OXCT1: variants seen among roughly 807,000 people sequenced by gnomAD.
OXCT1 encodes the protein succinyl-CoA:3-ketoacid coenzyme A transferase 1, mitochondrial.
In OXCT1, 27 loss-of-function variants were observed where a neutral mutation model predicts 69.6. The ratio of observed to expected loss-of-function variants is 0.39; its 90% CI spans 0.29 to 0.54. The LOEUF (loss-of-function observed/expected upper bound fraction) is 0.54. OXCT1 is among the 20% of genes least tolerant of loss of function. The pLI, the probability that OXCT1 is intolerant of heterozygous loss-of-function variation, is 0.72. For missense variants in OXCT1, 437 were observed against 650.2 expected (o/e 0.67, Z 3.57); for synonymous variants, 202 against 217.8 (o/e 0.93, Z 0.64).
At chr5:41,731,798 T>C in intron 16 of OXCT1, 28 bp from the exon 17 acceptor site, 2 of 1,597,650 alleles carry the variant, frequency 1.3e-6, no homozygotes, top group Non-Finnish European at 1.7e-6. Flanking sequence ...AAAAATCAAA[T>C]TATGAAAAAC....
intron 4 of OXCT1, among the ~76,000 whole-genome samples, chr5:41,851,651 T>C (rs1749179948): frequency 6.6e-6 from 1 of 151,950 alleles, no homozygotes; most frequent in Admixed American, 6.6e-5. Flanking sequence ...AGAGCCAGTG[T>C]TTACTAACGG....
intron 11 of OXCT1, among the ~76,000 whole-genome samples, 193 bp from the exon 12 acceptor site, chr5:41,794,942 T>C (rs773625245): frequency 4.6e-5 from 7 of 152,226 alleles, no homozygotes; most frequent in Non-Finnish European, 8.8e-5. Flanking sequence ...GACATTGCTC[T>C]TGCCTTTGCA....
intron 13 of OXCT1, among the ~76,000 whole-genome samples, chr5:41,775,682 C>T (rs968442973): frequency 6.6e-6 from 1 of 152,126 alleles, no homozygotes; most frequent in Non-Finnish European, 1.5e-5. Flanking sequence ...ACCCTCTAAT[C>T]ATGTCTTGGT....
At chr5:41,739,567 C>A in intron 15 of OXCT1, 76 bp from the exon 16 acceptor site, 2 of 1,173,136 alleles carry the variant, frequency 1.7e-6, no homozygotes, top group Admixed American at 3.4e-5. Context: ...ACAGAAATAA[C>A]CTCGCAAGTT....
intron 13 of OXCT1, among the ~76,000 whole-genome samples, chr5:41,773,994 G>A (rs1467166349): frequency 1.3e-5 from 2 of 152,168 alleles, no homozygotes; most frequent in South Asian, 2.1e-4. Context: ...TACAGTAAGT[G>A]AGAGGACTTT....
intron 14 of OXCT1, among the ~76,000 whole-genome samples, chr5:41,755,433 G>A (rs975714271): frequency 5.3e-5 from 8 of 151,916 alleles, no homozygotes; most frequent in African/African-American, 1.2e-4. Context: ...AGAATTATAC[G>A]CTTTTATAAA....
chr5:41,781,004 C>T (rs993588306), intron 13 of OXCT1, among the ~76,000 whole-genome samples: 1 of 151,760 alleles, frequency 6.6e-6, no homozygotes, highest in Non-Finnish European at 1.5e-5. Context: ...CCTGGGGTCA[C>T]GCCATTCTCC....
chr5:41,768,805 G>A (rs973278814), intron 13 of OXCT1, among the ~76,000 whole-genome samples: 2 of 152,104 alleles, frequency 1.3e-5, no homozygotes, highest in East Asian at 1.9e-4. Context: ...TCTAAAATGC[G>A]CATCTGAATA....
At chr5:41,863,458 T>C (rs112711899) in intron 1 of OXCT1, among the ~76,000 whole-genome samples, 118 of 152,264 alleles carry the variant, frequency 7.7e-4, no homozygotes, top group African/African-American at 2.6e-3. Context: ...CACCAACCCC[T>C]CACCCCCAGC....
chr5:41,859,001 T>C (rs143766364), intron 3 of OXCT1, among the ~76,000 whole-genome samples: 101 of 152,324 alleles, frequency 6.6e-4, no homozygotes, highest in African/African-American at 2.4e-3. Context: ...ATTCCAGACA[T>C]ATAAAATTCA....
intron 14 of OXCT1, among the ~76,000 whole-genome samples, chr5:41,758,689 G>A (rs945891039): frequency 6.6e-6 from 1 of 152,198 alleles, no homozygotes; most frequent in Non-Finnish European, 1.5e-5. Context: ...GATACAAGTG[G>A]TGGAGGCAGC....
At chr5:41,869,189 T>C (rs568067220) in intron 1 of OXCT1, among the ~76,000 whole-genome samples, 3 of 152,318 alleles carry the variant, frequency 2.0e-5, no homozygotes, top group African/African-American at 7.2e-5. Flanking sequence ...CCCTAGCACC[T>C]ACCGAAGGAG....
intron 14 of OXCT1, among the ~76,000 whole-genome samples, chr5:41,749,870 G>A (rs186744875): frequency 6.6e-6 from 1 of 152,078 alleles, no homozygotes; most frequent in African/African-American, 2.4e-5. Context: ...GACTTCTCAA[G>A]CCTCAGCCCT....
chr5:41,869,744 T>TCCACACCCG (rs969462475), intron 1 of OXCT1, among the ~76,000 whole-genome samples: 4 of 151,632 alleles, frequency 2.6e-5, no homozygotes, highest in Admixed American at 2.6e-4. Context: ...GGAGCGGCAT[T>TCCACACCCG]CCACACCCGC....
At chr5:41,774,842 C>A (rs959358588) in intron 13 of OXCT1, among the ~76,000 whole-genome samples, 1 of 152,010 alleles carries the variant, frequency 6.6e-6, no homozygotes, top group Non-Finnish European at 1.5e-5. Context: ...TTGCAGTGAG[C>A]CAAGATCACG....
chr5:41,805,037 C>T (rs924493705), intron 9 of OXCT1, among the ~76,000 whole-genome samples: 3 of 152,082 alleles, frequency 2.0e-5, no homozygotes, highest in African/African-American at 7.2e-5. Context: ...GTCTACTCTA[C>T]CTCTTTTTTT....
At chr5:41,835,142 G>A (rs933060352) in intron 7 of OXCT1, among the ~76,000 whole-genome samples, 1 of 152,024 alleles carries the variant, frequency 6.6e-6, no homozygotes, top group Non-Finnish European at 1.5e-5. Flanking sequence ...ATGAAAAAGG[G>A]GACATTAAAA....
intron 7 of OXCT1, among the ~76,000 whole-genome samples, chr5:41,814,938 G>A (rs945445528): frequency 6.6e-6 from 1 of 152,074 alleles, no homozygotes; most frequent in Non-Finnish European, 1.5e-5. Flanking sequence ...CAGCCTCAAA[G>A]TTGGTGATAG....
In OXCT1 at chr5:41,857,105, C is replaced by G. The variant is rs893314683; in HGVS notation, c.279-3551G>C. On this transcript the variant is annotated intron_variant, in intron 3 of 16. Coordinates refer to ENST00000196371, the MANE Select transcript of OXCT1 (RefSeq NM_000436.4). ...AATCTATCAGGAAATCCTGATTCCCCCTTCAAAGCCTATTCAAAATCTGGC... is the reference window on the plus strand; with the variant it reads ...AATCTATCAGGAAATCCTGATTCCCGCTTCAAAGCCTATTCAAAATCTGGC... Among the ~76,000 whole-genome samples, 90 of 152,162 alleles carry G rather than the reference C, an allele frequency of 5.9e-4. 1 individual carries two copies. The highest frequency in any genetic ancestry group is 1.8e-4 in the Non-Finnish European group (12 of 68,034).
Sources: gnomAD v4.1 joint callset for allele counts (sites outside exome capture counted in the v4.1 genomes callset) on GRCh38, gnomAD v4.1.1 for gene constraint, MANE v1.5 for transcripts, NCBI Gene and HGNC (gene_info 2026-07-23, HGNC 2026-07-21) for gene names.